Variants in NAA25 observed in about 807,000 individuals in gnomAD.
NAA25 encodes N-terminal acetyltransferase B complex subunit NAA25.
Under a neutral mutation model 132.5 loss-of-function variants are expected in NAA25, and 30 were observed. The ratio of observed to expected loss-of-function variants is 0.23; its 90% CI spans 0.17 to 0.31. NAA25 has a LOEUF of 0.31. Among genes scored for constraint, NAA25 ranks in the 10% least tolerant of loss-of-function variants. The probability of loss-of-function intolerance (pLI) is 1.00; values close to 1 mark genes in which losing one functional copy is unlikely to be tolerated. For synonymous variants in NAA25, 359 were observed against 401.9 expected (o/e 0.89, Z 1.28); for missense variants, 771 against 1,150.4 (o/e 0.67, Z 4.77).
At chr12:112,047,354 C>CCCGA (rs1482374249) in intron 17 of NAA25, among the ~76,000 whole-genome samples, 1 of 151,350 alleles carries the variant, frequency 6.6e-6, no homozygotes. Context: ...GCCTCAGCTT[C>CCCGA]CCGAATAGCT....
At chr12:112,090,696 T>C (rs369335118) in intron 3 of NAA25, 30 bp downstream of exon 3, 87 of 1,593,556 alleles carry the variant, frequency 5.5e-5, no homozygotes, top group Non-Finnish European at 6.6e-5. Context: ...TCAGCTCAAG[T>C]TTAAAAACAA....
chr12:112,029,668 A>C lies in NAA25; in HGVS notation c.2797-15T>G. The C allele has an allele frequency of 6.2e-7, 1 of 1,608,822 alleles. No individual in the cohort carries two copies. The highest frequency in any genetic ancestry group is 8.5e-7 in the Non-Finnish European group (1 of 1,178,780). On this transcript the variant is annotated splice_polypyrimidine_tract_variant and intron_variant, in intron 23 of 23. Coordinates refer to ENST00000261745, the MANE Select transcript of NAA25 (RefSeq NM_024953.4). ...TTTCTCTCTTCCTATAAAGGAGGAG[A>C]CAAGAATAATTAGTCTTGTTTAAAA...
chr12:112,105,983 A>T (rs1333141158), intron 1 of NAA25, among the ~76,000 whole-genome samples: 1 of 152,210 alleles, frequency 6.6e-6, no homozygotes, highest in Non-Finnish European at 1.5e-5. Flanking sequence ...AGAATGTCTG[A>T]ATTCAAGGAA....
rs770472445 is a variant in NAA25, at chr12:112,039,283, G to A, written c.2595C>T (p.Tyr865=). ...SSYCESVLRP[Y]KLNLQKKKKK... ...TTTTCTTTTTCTGTAAATTTAGTTT[G>A]TATGGTCGTAGGACACTCTCACAGT... Residue 865 remains tyrosine, a synonymous_variant, in exon 22 of 24, where the codon TAC becomes TAT. Coordinates refer to ENST00000261745, the MANE Select transcript of NAA25 (RefSeq NM_024953.4). The A allele has an allele frequency of 6.2e-7, 1 of 1,607,730 alleles. No individual in the cohort carries two copies.
chr12:112,104,954 T>G (rs769074896), intron 1 of NAA25, among the ~76,000 whole-genome samples: 2 of 148,728 alleles, frequency 1.3e-5, no homozygotes, highest in African/African-American at 5.0e-5. Flanking sequence ...GAGGCAGAGG[T>G]TGCAGTGAGC....
Position 112,081,090 on chromosome 12 carries a change from G to A in NAA25, c.447C>T (p.Tyr149=). Residue 149 remains tyrosine, a synonymous_variant, in exon 5 of 24, where the codon TAC becomes TAT. Transcript: ENST00000261745. ...TAATTAAGCTCATCACAGACCAAAA[G>A]TAGTAGGGATTTTTGGGGACAATCT... ...LYKIVPKNPY[Y]FWSVMSLIMQ... is the part of the protein sequence containing the mutation. The A allele has an allele frequency of 6.2e-7, 1 of 1,613,542 alleles. No homozygotes were observed. Among genetic ancestry groups the A allele is most frequent in the Non-Finnish European group, 8.5e-7 (1 of 1,179,518 alleles).
intron 16 of NAA25, 32 bp from the exon 17 acceptor site, chr12:112,047,822 A>G: frequency 6.4e-7 from 1 of 1,562,844 alleles, no homozygotes. Context: ...ATATTATTTT[A>G]ATAGTAAAAT....
At position 112,103,167 on chromosome 12, in the gene NAA25, A is replaced by G. The variant is rs2079318705; in HGVS notation, c.58+5549T>C. Among the ~76,000 whole-genome samples, 5 of 152,198 alleles carry G rather than the reference A, an allele frequency of 3.3e-5. No individual in the cohort carries two copies. The South Asian group carries it at 1.0e-3, about 32-fold the overall frequency. On this transcript the variant is annotated intron_variant, in intron 1 of 23. Coordinates refer to ENST00000261745, the MANE Select transcript of NAA25 (RefSeq NM_024953.4). ...ACACCTGGCTAATTTTTGTATTTTT[A>G]GTAGAGATGGGGTTTTGCCATTTTG...
intron 3 of NAA25, among the ~76,000 whole-genome samples, chr12:112,089,108 A>G (rs1477322876): frequency 2.6e-5 from 4 of 152,176 alleles, no homozygotes; most frequent in Non-Finnish European, 5.9e-5. Flanking sequence ...AAAAATTAAA[A>G]ACAAAATTGA....
chr12:112,068,263 T>A (rs554651987), intron 11 of NAA25, among the ~76,000 whole-genome samples: 4 of 152,058 alleles, frequency 2.6e-5, no homozygotes, highest in African/African-American at 9.6e-5. Context: ...TAGCTGCCCA[T>A]AGATAGAGAT....
chr12:112,077,601 C>T (rs771145023), intron 7 of NAA25, among the ~76,000 whole-genome samples: 4 of 151,834 alleles, frequency 2.6e-5, no homozygotes, highest in African/African-American at 4.8e-5. Context: ...CTGGGCAAAA[C>T]AGTGAGACCT....
intron 16 of NAA25, 50 bp downstream of exon 16, chr12:112,048,242 A>T: frequency 6.4e-7 from 1 of 1,559,892 alleles, no homozygotes; most frequent in Non-Finnish European, 8.7e-7. Flanking sequence ...ATGGCTCTTA[A>T]CAACTGATCT....
chr12:112,057,048 C>T (rs147943179), intron 13 of NAA25, among the ~76,000 whole-genome samples: 1,989 of 151,888 alleles, frequency 0.013, 51 homozygotes, highest in African/African-American at 0.045. Context: ...ATTAGCCAGG[C>T]GTGGTGGTGC....
At chr12:112,077,507 A>C (rs1194046350) in intron 7 of NAA25, among the ~76,000 whole-genome samples, 5 of 151,140 alleles carry the variant, frequency 3.3e-5, no homozygotes, top group Admixed American at 1.3e-4. Flanking sequence ...AATGGAGCCC[A>C]GTGTGGTGGT....
chr12:112,104,790 C>A (rs1479800007), intron 1 of NAA25, among the ~76,000 whole-genome samples: 1 of 151,176 alleles, frequency 6.6e-6, no homozygotes, highest in Non-Finnish European at 1.5e-5. Flanking sequence ...GAGCGGAGAT[C>A]ACGCCACTGC....
chr12:112,030,114 G>A (rs771562099), intron 23 of NAA25, among the ~76,000 whole-genome samples: 10 of 148,578 alleles, frequency 6.7e-5, no homozygotes, highest in Non-Finnish European at 1.2e-4. Context: ...TTGGGAAGCT[G>A]AGGCACGAGA....
chr12:112,097,291 T>C (rs2079226388), intron 1 of NAA25: 1 of 152,008 alleles, frequency 6.6e-6, no homozygotes, highest in African/African-American at 2.4e-5. Flanking sequence ...GGGATGCAAG[T>C]TGATTGATGT....
rs1343112354 is a variant in NAA25 at position 112,027,224 on chromosome 12, C to G, written c.*2307G>C. On this transcript the variant is annotated 3_prime_UTR_variant, in exon 24 of 24. Transcript: ENST00000261745. ...AACCCATACAAATCAAAAACAGCAG[C>G]AGCAGCAATGGGTTATTTGGGAATT... is the stretch of plus-strand genomic sequence containing the variant. The G allele has an allele frequency of 6.6e-6, 1 of 152,350 alleles. No homozygotes were observed. Among genetic ancestry groups the G allele is most frequent in the African/African-American group, 2.4e-5 (1 of 41,402 alleles). The allele number at this position is 152,350 out of a possible 1,614,324, so 9.4% of individuals were successfully genotyped here.
chr12:112,103,992 C>T (rs1393087545), intron 1 of NAA25, among the ~76,000 whole-genome samples: 1 of 152,050 alleles, frequency 6.6e-6, no homozygotes, highest in Non-Finnish European at 1.5e-5. Flanking sequence ...CGGCCCATTT[C>T]CTAACAGGCC....
Sources: allele counts gnomAD v4.1 joint callset (sites outside exome capture counted in the v4.1 genomes callset), GRCh38; gene constraint gnomAD v4.1.1; transcripts MANE v1.5; gene names NCBI Gene and HGNC (gene_info 2026-07-23, HGNC 2026-07-21).